DPP6: variants seen among roughly 807,000 people sequenced by gnomAD.
DPP6 encodes A-type potassium channel modulatory protein DPP6.
Under a neutral mutation model 122.6 loss-of-function variants are expected in DPP6, and 69 were observed. That is an observed-to-expected ratio of 0.56 (90% CI 0.46 to 0.69). The LOEUF is 0.69. DPP6 is among the 30% of genes least tolerant of loss of function. The probability of loss-of-function intolerance (pLI) is 0.00; values close to 1 mark genes in which losing one functional copy is unlikely to be tolerated. For synonymous variants in DPP6, 418 were observed against 433.1 expected, an observed-to-expected ratio of 0.97 and a Z score of 0.43; for missense variants, 928 against 1,116.9, an observed-to-expected ratio of 0.83 and a Z score of 2.41.
rs569197401 is a variant in DPP6 at position 154,465,389 on chromosome 7, C to A, written c.359-9550C>A. On this transcript the variant is annotated intron_variant, in intron 2 of 25. Transcript: ENST00000377770. ...CTAATTAAACTAAAGAGCTTCTGCA[C>A]AACAAAAGAAACTATCTTCAAGAGT... 2.2e-4 allele frequency among the ~76,000 whole-genome samples: 33 copies of A among 152,130 alleles called. No homozygotes were observed. The South Asian group carries it at 2.3e-3, about 11-fold the overall frequency.
At chr7:153,918,364 A>G (rs1257059908) in intron 1 of DPP6, among the ~76,000 whole-genome samples, 1 of 152,162 alleles carries the variant, frequency 6.6e-6, no homozygotes, top group South Asian at 2.1e-4. Flanking sequence ...TGCTATTTTA[A>G]AATGATTGAA....
At chr7:154,749,851 AAG>A (rs1485642824) in intron 8 of DPP6, among the ~76,000 whole-genome samples, 2 of 129,418 alleles carry the variant, frequency 1.5e-5, no homozygotes, top group African/African-American at 6.1e-5. Context: ...TAGGACGGGA[AAG>A]AGAGGGATGG....
At chr7:154,712,793 A>G (rs778434170) in intron 7 of DPP6, among the ~76,000 whole-genome samples, 1 of 152,208 alleles carries the variant, frequency 6.6e-6, no homozygotes, top group Non-Finnish European at 1.5e-5. Flanking sequence ...AGGATGAGAT[A>G]TGGGTGGGGA....
chr7:154,274,433 C>G (rs1171693316), intron 1 of DPP6, among the ~76,000 whole-genome samples: 6 of 152,134 alleles, frequency 3.9e-5, no homozygotes, highest in Non-Finnish European at 7.4e-5. Flanking sequence ...TACATAAAGT[C>G]AGCTGATTCT....
intron 17 of DPP6, among the ~76,000 whole-genome samples, chr7:154,867,171 C>G (rs1803944487): frequency 6.6e-6 from 1 of 152,176 alleles, no homozygotes; most frequent in African/African-American, 2.4e-5. Flanking sequence ...AAGTTATCCC[C>G]ATGTGTAGGC....
intron 1 of DPP6, among the ~76,000 whole-genome samples, chr7:154,415,865 G>T (rs1052542898): frequency 3.3e-5 from 5 of 151,358 alleles, no homozygotes; most frequent in Non-Finnish European, 7.4e-5. Flanking sequence ...ATGAAGCAAG[G>T]CTAGAATTGT....
intron 1 of DPP6, among the ~76,000 whole-genome samples, chr7:154,320,133 AT>A (rs1807811467): frequency 1.3e-5 from 2 of 151,972 alleles, no homozygotes; most frequent in African/African-American, 2.4e-5. Context: ...ATTTAATCTA[AT>A]ATCTCAAAAA....
At chr7:154,616,853 A>G (rs181707977) in intron 5 of DPP6, among the ~76,000 whole-genome samples, 14 of 152,350 alleles carry the variant, frequency 9.2e-5, no homozygotes, top group African/African-American at 3.4e-4. Flanking sequence ...AGATGCCTAC[A>G]TCTTCAAATT....
At chr7:154,808,349 G>C (rs1238393367) in intron 16 of DPP6, among the ~76,000 whole-genome samples, 3 of 152,132 alleles carry the variant, frequency 2.0e-5, no homozygotes, top group Non-Finnish European at 4.4e-5. Flanking sequence ...CTCAGCCCCT[G>C]ACATTCTTCT....
chr7:153,928,128 A>G (rs552572751), intron 1 of DPP6, among the ~76,000 whole-genome samples: 2 of 151,940 alleles, frequency 1.3e-5, no homozygotes, highest in Non-Finnish European at 2.9e-5. Context: ...GCAGAAATTT[A>G]TTTCTCACAG....
At chr7:154,839,764 C>T (rs537720060) in intron 16 of DPP6, among the ~76,000 whole-genome samples, 49 of 152,024 alleles carry the variant, frequency 3.2e-4, no homozygotes, top group Non-Finnish European at 6.3e-4. Flanking sequence ...ACAGCCCCCA[C>T]GCAGGAACGA....
chr7:154,259,680 A>G (rs1470869482), intron 1 of DPP6, among the ~76,000 whole-genome samples: 2 of 152,166 alleles, frequency 1.3e-5, no homozygotes, highest in East Asian at 3.9e-4. Flanking sequence ...TTTGGGTGTA[A>G]ATCAAGTCTG....
chr7:154,753,099 C>G (rs1843478219), intron 8 of DPP6, among the ~76,000 whole-genome samples: 1 of 151,858 alleles, frequency 6.6e-6, no homozygotes, highest in Admixed American at 6.6e-5. Flanking sequence ...GTCTAATTCC[C>G]TTCTCTTCCG....
At chr7:154,659,719 G>A (rs1435891260) in intron 6 of DPP6, among the ~76,000 whole-genome samples, 31 of 152,130 alleles carry the variant, frequency 2.0e-4, no homozygotes, top group Admixed American at 2.0e-3. Flanking sequence ...TCCCCACGAG[G>A]AACATCCTGG....
intron 7 of DPP6, among the ~76,000 whole-genome samples, chr7:154,685,595 TAATAA>T (rs1477800277): frequency 6.6e-6 from 1 of 152,188 alleles, no homozygotes; most frequent in African/African-American, 2.4e-5. Context: ...TCCAACTTCA[TAATAA>T]AATATAGAAT....
At chr7:154,527,690 T>C (rs1298707545) in intron 3 of DPP6, among the ~76,000 whole-genome samples, 2 of 152,190 alleles carry the variant, frequency 1.3e-5, no homozygotes, top group Non-Finnish European at 2.9e-5. Context: ...TTTGTGATAT[T>C]TATACAATCA....
At chr7:154,607,024 G>A (rs1833606150) in intron 5 of DPP6, among the ~76,000 whole-genome samples, 1 of 120,956 alleles carries the variant, frequency 8.3e-6, no homozygotes, top group African/African-American at 2.6e-5. Context: ...CTGCTATTAT[G>A]GTGAGCTAAG....
chr7:153,969,196 G>C (rs1026895599), intron 1 of DPP6, among the ~76,000 whole-genome samples: 1 of 151,256 alleles, frequency 6.6e-6, no homozygotes, highest in African/African-American at 2.5e-5. Context: ...ACCTTGCCAC[G>C]TTAGAATGAC....
chr7:154,667,250 C>T (rs1365668163), intron 6 of DPP6, among the ~76,000 whole-genome samples: 1 of 151,644 alleles, frequency 6.6e-6, no homozygotes, highest in East Asian at 1.9e-4. Context: ...ATACTTTTCT[C>T]CTGGTTTGTA....
Sources: gnomAD v4.1 joint callset for allele counts (sites outside exome capture counted in the v4.1 genomes callset) on GRCh38, gnomAD v4.1.1 for gene constraint, MANE v1.5 for transcripts, NCBI Gene and HGNC (gene_info 2026-07-23, HGNC 2026-07-21) for gene names.